VIP: variants seen among roughly 807,000 people sequenced by gnomAD.
VIP encodes vasoactive intestinal peptide.
VIP carries 18 observed loss-of-function variants against 20.1 expected under a neutral mutation model. That is an observed-to-expected ratio of 0.90 (90% CI 0.62 to 1.33). The LOEUF is 1.33. Among genes scored for constraint, VIP ranks in the 40% most tolerant of loss-of-function variants. The pLI, the probability that VIP is intolerant of heterozygous loss-of-function variation, is 0.00. For missense variants in VIP, 209 were observed against 199.4 expected (o/e 1.05, Z -0.29); for synonymous variants, 70 against 68.1 (o/e 1.03, Z -0.14).
intron 1 of VIP, among the ~76,000 whole-genome samples, chr6:152,751,189 C>G (rs181669811): frequency 6.6e-6 from 1 of 152,268 alleles, no homozygotes; most frequent in Admixed American, 6.5e-5. Context: ...CCTGCTTGCT[C>G]TTTTACTGAA....
chr6:152,755,405 G>C, intron 4 of VIP, 32 bp downstream of exon 4: 1 of 1,302,120 alleles, frequency 7.7e-7, no homozygotes, highest in Non-Finnish European at 1.1e-6. Context: ...TATAAAATAT[G>C]TTATCATTAT....
At position 152,757,209 on chromosome 6, in the gene VIP, T is replaced by C. The variant is rs145028766; in HGVS notation, c.*43+25T>C. The C allele has an allele frequency of 2.0e-4, 291 of 1,439,668 alleles. 2 individuals carry two copies. In the African/African-American group the frequency reaches 3.3e-3, roughly 16 times the overall value. The allele number at this position is 1,439,668 out of a possible 1,614,324, so 89.2% of individuals were successfully genotyped here. A position where few individuals can be genotyped will look rare whatever the true frequency, so the allele number is the denominator to read the frequency against. On this transcript the variant is annotated intron_variant, in intron 6 of 6. Transcript: ENST00000367244. ...GGTGGGTATATTCGTGCATTCCTTCTGTATTCTTATGGCTGTCTCTGATTA... is the reference window on the plus strand; with the variant it reads ...GGTGGGTATATTCGTGCATTCCTTCCGTATTCTTATGGCTGTCTCTGATTA...
intron 2 of VIP, 115 bp from the exon 3 acceptor site, chr6:152,754,051 A>G: frequency 8.7e-7 from 1 of 1,153,954 alleles, no homozygotes; most frequent in Non-Finnish European, 1.2e-6. Context: ...TTCTCATATT[A>G]TGACTGGGTA....
intron 1 of VIP, among the ~76,000 whole-genome samples, chr6:152,751,282 CT>C (rs891005841): frequency 9.2e-5 from 14 of 151,898 alleles, no homozygotes. Flanking sequence ...GGAACATTTG[CT>C]TTTGAAATTT....
At chr6:152,753,322 G>A (rs1211135593) in intron 2 of VIP, among the ~76,000 whole-genome samples, 1 of 152,138 alleles carries the variant, frequency 6.6e-6, no homozygotes, top group African/African-American at 2.4e-5. Context: ...ATCACTGAAA[G>A]ATACACAAGT....
At chr6:152,758,436 A>G (rs1222720536) in intron 6 of VIP, among the ~76,000 whole-genome samples, 1 of 152,040 alleles carries the variant, frequency 6.6e-6, no homozygotes, top group African/African-American at 2.4e-5. Context: ...TGCTCAAAGA[A>G]GAAAGTTAAT....
chr6:152,755,784 GT>G (rs1359150575), intron 4 of VIP, among the ~76,000 whole-genome samples: 1 of 151,520 alleles, frequency 6.6e-6, no homozygotes, highest in East Asian at 1.9e-4. Flanking sequence ...GTTGCTCAGG[GT>G]AGCATAGCTT....
intron 3 of VIP, 106 bp from the exon 4 acceptor site, chr6:152,755,160 GAGA>G (rs1416982859): frequency 1.6e-6 from 1 of 611,356 alleles, no homozygotes; most frequent in Non-Finnish European, 2.7e-6. Flanking sequence ...TAGTTTTAAT[GAGA>G]AGCTTTCATA....
chr6:152,750,955 G>T lies in VIP; in HGVS notation c.-15G>T, dbSNP rs1399555966. 6.6e-6 allele frequency: 1 copy of T among 152,158 alleles called. No individual in the cohort carries two copies. The highest frequency in any genetic ancestry group is 2.4e-5 in the African/African-American group (1 of 41,440). 9.4% of individuals were successfully genotyped at this position (152,158 alleles called of 1,614,324 possible). ...GTCAGCTCCGGGGGAGCACGACTGG[G>T]CGAGGTAAGTGAAAACTTTACCTTT... On this transcript the variant is annotated 5_prime_UTR_variant, in exon 1 of 7. Transcript: ENST00000367244.
chr6:152,756,383 TCAACCTTGGCTGA>T (rs1484690741), intron 5 of VIP, 118 bp downstream of exon 5: 2 of 1,230,158 alleles, frequency 1.6e-6, no homozygotes, highest in Non-Finnish European at 2.2e-6. Context: ...GCAGTGATTT[TCAACCTTGGCTGA>T]CATTAGACTA....
chr6:152,751,031 T>C (rs1354330402), intron 1 of VIP, 72 bp downstream of exon 1: 1 of 152,174 alleles, frequency 6.6e-6, no homozygotes. Flanking sequence ...AAATAATGAA[T>C]TTTTCTCTCT....
intron 6 of VIP, among the ~76,000 whole-genome samples, chr6:152,758,027 T>G (rs1460069001): frequency 1.3e-5 from 2 of 151,994 alleles, no homozygotes; most frequent in African/African-American, 4.8e-5. Flanking sequence ...TTTGGCTTTG[T>G]GAGCCATCTA....
chr6:152,757,734 G>A (rs1456198771), intron 6 of VIP, among the ~76,000 whole-genome samples: 1 of 151,902 alleles, frequency 6.6e-6, no homozygotes, highest in Non-Finnish European at 1.5e-5. Context: ...TTACCTGTAA[G>A]TTTGTTTTAC....
At position 152,755,696 on chromosome 6, in the gene VIP, A is replaced by G. The variant is rs1374484874; in HGVS notation, c.335+323A>G. ...ACAGACTGAGGTAAATTTTAAGGTC[A>G]AACAGAATATTCTTTTTACTTCCTG... On this transcript the variant is annotated intron_variant, in intron 4 of 6. Transcript: ENST00000367244. Among the ~76,000 whole-genome samples, 3 of 151,928 alleles carry G rather than the reference A, an allele frequency of 2.0e-5. No homozygotes were observed. In the East Asian group the frequency reaches 5.8e-4, roughly 29 times the overall value.
At chr6:152,756,288 A>G in intron 5 of VIP, 23 bp downstream of exon 5, 1 of 1,599,368 alleles carries the variant, frequency 6.3e-7, no homozygotes, top group Non-Finnish European at 8.5e-7. Flanking sequence ...AGAACTTGCT[A>G]AAATGAGGAA....
Position 152,756,948 on chromosome 6 carries a change from G to C in VIP, c.468-148G>C, listed in dbSNP as rs141188013. ...CTCTAAGATTGATGAATAATTCATA[G>C]GTACTAACAAACCTCAAAGATAATT... On this transcript the variant is annotated intron_variant, in intron 5 of 6. Transcript: ENST00000367244. 1.5e-3 allele frequency: 905 copies of C among 609,742 alleles called. 5 individuals carry two copies. In the African/African-American group the frequency reaches 0.015, roughly 10 times the overall value. 37.8% of individuals were successfully genotyped at this position (609,742 alleles called of 1,614,324 possible).
rs1282202093 is a variant in VIP at position 152,755,256 on chromosome 6, T to G, written c.231-13T>G. ...TTACAAAATAATAGCTATTTTTTTCTTCCTTGTTTTAGAAATGCCAGGCAT... is the reference window on the plus strand; with the variant it reads ...TTACAAAATAATAGCTATTTTTTTCGTCCTTGTTTTAGAAATGCCAGGCAT... On this transcript the variant is annotated splice_polypyrimidine_tract_variant and intron_variant, in intron 3 of 6. Coordinates refer to ENST00000367244, the MANE Select transcript of VIP (RefSeq NM_003381.4). 2.6e-6 allele frequency: 4 copies of G among 1,537,830 alleles called. No homozygotes were observed. In the East Asian group the frequency reaches 9.4e-5, roughly 36 times the overall value.
chr6:152,757,152 C>T lies in VIP; in HGVS notation c.*11C>T. ...GAGTTAGAAAAATGATGAAAAAGAC[C>T]TTTGGAGCAAAGCTGATGACAACTT... On this transcript the variant is annotated 3_prime_UTR_variant, in exon 6 of 7. Coordinates refer to ENST00000367244, the MANE Select transcript of VIP (RefSeq NM_003381.4). The T allele has an allele frequency of 1.2e-6, 2 of 1,610,984 alleles. No individual in the cohort carries two copies. The highest frequency in any genetic ancestry group is 1.7e-6 in the Non-Finnish European group (2 of 1,178,244).
At chr6:152,753,676 CGA>C (rs373096536) in intron 2 of VIP, among the ~76,000 whole-genome samples, 1 of 151,260 alleles carries the variant, frequency 6.6e-6, no homozygotes. Context: ...GCTTGGGGGT[CGA>C]GAGAGAGAGA....
Sources: allele counts gnomAD v4.1 joint callset (sites outside exome capture counted in the v4.1 genomes callset), GRCh38; gene constraint gnomAD v4.1.1; transcripts MANE v1.5; gene names NCBI Gene and HGNC (gene_info 2026-07-23, HGNC 2026-07-21).